The following SPDYE5 variants were observed in gnomAD, a reference collection of about 807,000 sequenced individuals.
The protein encoded by SPDYE5 is speedy/RINGO cell cycle regulator family member E5.
In SPDYE5, 15 loss-of-function variants were observed where a neutral mutation model predicts 48.5. The ratio of observed to expected loss-of-function variants is 0.31; its 90% confidence interval spans 0.21 to 0.48. The LOEUF (loss-of-function observed/expected upper bound fraction) is 0.48, where lower values mean the gene tolerates loss of function less well. Ranked by LOEUF, SPDYE5 falls within the 20% of genes least tolerant of loss-of-function variation. The pLI is 0.99. For missense variants in SPDYE5, 331 were observed against 549.1 expected, an observed-to-expected ratio of 0.60 and a Z score of 3.97; for synonymous variants, 116 against 200.7, an observed-to-expected ratio of 0.58 and a Z score of 3.57.
chr7:75,498,282 C>A (rs1239950276), intron 5 of SPDYE5, among the ~76,000 whole-genome samples: 1 of 151,868 alleles, frequency 6.6e-6, no homozygotes, highest in African/African-American at 2.4e-5. Flanking sequence ...AACCACCACG[C>A]CTGGCTAATT....
At position 75,494,079 on chromosome 7, in the gene SPDYE5, G is replaced by C. The variant is rs190988787; in HGVS notation, c.32G>C (p.Arg11Thr). ...AGAACGGAGACTAGGTTCCGTAAGA[G>C]GGGACAGATTACGGAAAAGATCACG... MDRTETRFRKRGQITEKITTS... is the reference protein window; with the variant it reads MDRTETRFRKTGQITEKITTS... Residue 11 changes from arginine to threonine, a missense_variant, in exon 2 of 9, where the codon AGG becomes ACG. This residue lies in a region of SPDYE5 where 67 missense variants were observed against 55.7 expected (regional missense o/e 1.20). Transcript: ENST00000625065. The C allele has an allele frequency of 2.0e-5, 31 of 1,534,388 alleles. No homozygotes were observed. In the East Asian group the frequency reaches 7.3e-4, roughly 36 times the overall value.
In SPDYE5 at chr7:75,496,385, TCAA is replaced by T. The variant is rs1300121187; in HGVS notation, c.380-270_380-268del. Among the ~76,000 whole-genome samples the T allele has an allele frequency of 4.9e-3, 401 of 82,328 alleles. 45 individuals are homozygous for T. The highest frequency in any genetic ancestry group is 0.029 in the Middle Eastern group (4 of 136). 54.0% of individuals were successfully genotyped at this position (82,328 alleles called of 152,430 possible). A position where few individuals can be genotyped will look rare whatever the true frequency, so the allele number is the denominator to read the frequency against. On this transcript the variant is annotated intron_variant, in intron 3 of 8. Transcript: ENST00000625065. ...CTAGGCCACAAAGCAAGACTGTTTCTCAACAACAACAACAACAACAAAAAAAAA... is the reference window on the plus strand; with the variant it reads ...CTAGGCCACAAAGCAAGACTGTTTCTCAACAACAACAACAACAAAAAAAAA...
intron 5 of SPDYE5, among the ~76,000 whole-genome samples, chr7:75,498,907 C>T (rs1584740511): frequency 6.6e-6 from 1 of 151,820 alleles, no homozygotes; most frequent in Non-Finnish European, 1.5e-5. Context: ...GGCCCCTCTA[C>T]TCTCAGCTCT....
intron 4 of SPDYE5, among the ~76,000 whole-genome samples, chr7:75,497,201 C>A (rs1236381889): frequency 6.6e-6 from 1 of 151,948 alleles, no homozygotes; most frequent in African/African-American, 2.4e-5. Context: ...GAACTCAGGA[C>A]TTTGAGGCTG....
intron 7 of SPDYE5, 31 bp downstream of exon 7, chr7:75,501,786 G>A (rs1554483616): frequency 2.5e-6 from 4 of 1,610,962 alleles, no homozygotes; most frequent in Non-Finnish European, 1.7e-6. Flanking sequence ...TGGAGGAGGT[G>A]GGGAGGAATC....
chr7:75,502,961 G>A lies in SPDYE5; in HGVS notation c.*174G>A, dbSNP rs1177010993. 2 of 695,496 alleles carry A rather than the reference G, an allele frequency of 2.9e-6. No individual in the cohort carries two copies. The highest frequency in any genetic ancestry group is 2.0e-5 in the African/African-American group (1 of 50,126). 43.1% of individuals were successfully genotyped at this position (695,496 alleles called of 1,614,324 possible). A position where few individuals can be genotyped will look rare whatever the true frequency, so the allele number is the denominator to read the frequency against. ...AGAAGAACCTGGACCATTCTTGATG[G>A]AGCTGAATACAGTGATCACGTTGTC... is the stretch of plus-strand genomic sequence containing the variant. On this transcript the variant is annotated 3_prime_UTR_variant, in exon 9 of 9. Transcript: ENST00000625065.
chr7:75,496,401 CAA>C (rs1792931403), intron 3 of SPDYE5, among the ~76,000 whole-genome samples: 1 of 44,548 alleles, frequency 2.2e-5, no homozygotes, highest in Admixed American at 3.6e-4. Flanking sequence ...ACAACAACAA[CAA>C]CAAAAAAAAA....
rs587655809 is a variant in SPDYE5, at chr7:75,494,475, A to G, written c.160+268A>G. Among the ~76,000 whole-genome samples the G allele has an allele frequency of 2.9e-4, 43 of 149,374 alleles. No homozygotes were observed. In the South Asian group the frequency reaches 8.6e-3, roughly 30 times the overall value. ...GACAGGCGAATCACTTGAGACTGGG[A>G]GGAAGAGGTTGCAGTGAGCTGAGAT... On this transcript the variant is annotated intron_variant, in intron 2 of 8. Transcript: ENST00000625065.
rs1792944943 is a variant in SPDYE5 at position 75,496,678 on chromosome 7, T to C, written c.384T>C (p.Pro128=). Residue 128 remains proline, a synonymous_variant, in exon 4 of 9, where the codon CCT becomes CCC. Transcript: ENST00000625065. ...HHKGFNSQLA[P]GVDPSPPHRS... is the part of the protein sequence containing the mutation. ...TGGCCTGGTTTCTTTACTCAGCCCC[T>C]GGGGTAGATCCCAGCCCCCCGCATA... 1 of 1,597,278 alleles carries C rather than the reference T, an allele frequency of 6.3e-7. No individual in the cohort carries two copies. Among genetic ancestry groups the C allele is most frequent in the African/African-American group, 1.3e-5 (1 of 74,762 alleles).
chr7:75,502,042 G>T, intron 8 of SPDYE5, 60 bp downstream of exon 8: 1 of 1,521,690 alleles, frequency 6.6e-7, no homozygotes. Flanking sequence ...GAAATCCGAA[G>T]AACCCAATTG....
intron 8 of SPDYE5, 148 bp downstream of exon 8, chr7:75,502,130 G>C: frequency 8.8e-7 from 1 of 1,140,426 alleles, no homozygotes; most frequent in Non-Finnish European, 1.2e-6. Flanking sequence ...AGGCGATGTG[G>C]GAGGCATCTC....
At chr7:75,491,743 C>T (rs1227915862), upstream of SPDYE5, among the ~76,000 whole-genome samples, 4 of 124,598 alleles carry the variant, frequency 3.2e-5, no homozygotes, top group Non-Finnish European at 6.4e-5. Flanking sequence ...GATGGTGTCT[C>T]GCTCTGTCAC....
chr7:75,494,154 C>T lies in SPDYE5; in HGVS notation c.107C>T (p.Thr36Ile). 6 of 1,535,266 alleles carry T rather than the reference C, an allele frequency of 3.9e-6. No individual in the cohort carries two copies. Among genetic ancestry groups the T allele is most frequent in the Non-Finnish European group, 5.2e-6 (6 of 1,146,836 alleles). Residue 36 changes from threonine to isoleucine, a missense_variant, in exon 2 of 9, where the codon ACC (threonine) becomes ATC (isoleucine). By Grantham distance (89) the Thr-to-Ile change is moderately conservative. Transcript: ENST00000625065. ...PQNEQSPQRS[T>I]SGYPLQEVVD... Reference sequence around the variant, plus strand: ...AATGAGCAGAGTCCCCAGCGGAGCACCTCGGGGTACCCCCTCCAGGAGGTG... The same window carrying T: ...AATGAGCAGAGTCCCCAGCGGAGCATCTCGGGGTACCCCCTCCAGGAGGTG...
At chr7:75,501,828 G>A (rs1554483621) in intron 7 of SPDYE5, 50 bp from the exon 8 acceptor site, 1 of 1,611,974 alleles carries the variant, frequency 6.2e-7, no homozygotes, top group Non-Finnish European at 8.5e-7. Flanking sequence ...AGGGGAGAGA[G>A]GGGTATCCTG....
At chr7:75,494,283 C>A (rs10230587) in intron 2 of SPDYE5, 76 bp downstream of exon 2, 668,454 of 1,504,466 alleles carry the variant, frequency 0.44, 161,073 homozygotes, top group East Asian at 0.95. Flanking sequence ...CGGTGGCTCA[C>A]GCCTGTAACC....
intron 1 of SPDYE5, among the ~76,000 whole-genome samples, chr7:75,492,766 T>C (rs1238728879): frequency 6.6e-6 from 1 of 151,186 alleles, no homozygotes; most frequent in African/African-American, 2.4e-5. Context: ...TTGGATGGTC[T>C]CTGAATGTCA....
chr7:75,495,008 T>G, intron 2 of SPDYE5, 148 bp from the exon 3 acceptor site: 1 of 1,450,492 alleles, frequency 6.9e-7, no homozygotes, highest in Admixed American at 2.2e-5. Context: ...CACATGGGGT[T>G]GAGCAGAGGA....
Position 75,503,927 on chromosome 7 carries a change from T to A in SPDYE5, c.*1140T>A, listed in dbSNP as rs587719683. On this transcript the variant is annotated 3_prime_UTR_variant, in exon 9 of 9. Coordinates refer to ENST00000625065, the MANE Select transcript of SPDYE5 (RefSeq NM_001306141.4). ...GTTATAACTGTTATATACACATACG[T>A]ATAATTTTGCTTTCCTTTTTAAGAG... is the stretch of plus-strand genomic sequence containing the variant. 1.2e-3 allele frequency: 179 copies of A among 151,996 alleles called. No individual in the cohort carries two copies. The highest frequency in any genetic ancestry group is 3.9e-3 in the African/African-American group (164 of 41,542). The allele number at this position is 151,996 out of a possible 1,614,324, so 9.4% of individuals were successfully genotyped here.
At position 75,492,382 on chromosome 7, in the gene SPDYE5, G is replaced by C. The variant is rs1301738535; in HGVS notation, c.-481G>C. Among the ~76,000 whole-genome samples, 1 of 152,056 alleles carries C rather than the reference G, an allele frequency of 6.6e-6. No individual in the cohort carries two copies. Among genetic ancestry groups the C allele is most frequent in the African/African-American group, 2.4e-5 (1 of 41,402 alleles). ...CTTTCAGTGTGTGCCTTTTCTATGA[G>C]CGAGAGACTCCTAGGAAAGCAGCAG... On this transcript the variant is annotated 5_prime_UTR_variant, in exon 1 of 9. Transcript: ENST00000625065.
Sources: gnomAD v4.1 joint callset for allele counts (sites outside exome capture counted in the v4.1 genomes callset) on GRCh38, gnomAD v4.1.1 for gene constraint, gnomAD v4.1.1 regional missense constraint, MANE v1.5 for transcripts, NCBI Gene and HGNC (gene_info 2026-07-23, HGNC 2026-07-21) for gene names.